The following PPFIA2 variants were observed in gnomAD, a reference collection of about 807,000 sequenced individuals.
PPFIA2 encodes the protein PPFI scaffold protein A2, also known as liprin-alpha-2.
A neutral mutation model predicts 175.5 loss-of-function variants in PPFIA2; 46 were observed. The observed-to-expected ratio is 0.26, with a 90% CI of 0.21 to 0.34. The LOEUF is 0.34. PPFIA2 is among the 10% of genes least tolerant of loss of function. The probability of loss-of-function intolerance (pLI) is 1.00; values close to 1 mark genes in which losing one functional copy is unlikely to be tolerated. For missense variants in PPFIA2, 1,179 were observed against 1,506.1 expected (o/e 0.78, Z 3.60); for synonymous variants, 568 against 511.4 (o/e 1.11, Z -1.49).
At chr12:81,267,345 C>T (rs748242981) in intron 29 of PPFIA2, 38 of 392,328 alleles carry the variant, frequency 9.7e-5, no homozygotes, top group Non-Finnish European at 1.6e-4. Context: ...AAAAGTGAAA[C>T]GAGACTGCCA....
chr12:81,301,387 T>G (rs1329289932), intron 22 of PPFIA2, among the ~76,000 whole-genome samples: 1 of 152,140 alleles, frequency 6.6e-6, no homozygotes, highest in African/African-American at 2.4e-5. Context: ...AAAAAGCAAG[T>G]AAATATGCAC....
chr12:81,261,301 C>T (rs1329363559), intron 32 of PPFIA2: 1 of 152,216 alleles, frequency 6.6e-6, no homozygotes, highest in Non-Finnish European at 1.5e-5. Flanking sequence ...ACTGCAACTT[C>T]TGCCTCCCAG....
chr12:81,596,049 C>T (rs984138027), intron 4 of PPFIA2, among the ~76,000 whole-genome samples: 2 of 152,034 alleles, frequency 1.3e-5, no homozygotes, highest in Non-Finnish European at 2.9e-5. Context: ...GACAAATGGT[C>T]TGTTACTTTA....
chr12:81,552,837 C>T (rs2068162319), intron 4 of PPFIA2, among the ~76,000 whole-genome samples: 1 of 151,992 alleles, frequency 6.6e-6, no homozygotes, highest in African/African-American at 2.4e-5. Flanking sequence ...GTAGGTTACC[C>T]AGAGAAACTA....
intron 3 of PPFIA2, among the ~76,000 whole-genome samples, chr12:81,719,740 A>G (rs1001366903): frequency 1.3e-5 from 2 of 151,540 alleles, no homozygotes; most frequent in South Asian, 2.1e-4. Context: ...TCAATAATAT[A>G]TACATATTCT....
chr12:81,758,802 G>T (rs953604230), intron 1 of PPFIA2: 17 of 159,402 alleles, frequency 1.1e-4, no homozygotes, highest in East Asian at 5.5e-4. Flanking sequence ...CCGGGGCGGA[G>T]ACCGGAGACC....
intron 4 of PPFIA2, among the ~76,000 whole-genome samples, chr12:81,673,629 G>A (rs1175941410): frequency 6.6e-6 from 1 of 151,914 alleles, no homozygotes; most frequent in Non-Finnish European, 1.5e-5. Flanking sequence ...GGAAACATAT[G>A]CCAAATATAG....
chr12:81,682,871 C>T (rs972169682), intron 3 of PPFIA2, among the ~76,000 whole-genome samples: 7 of 151,990 alleles, frequency 4.6e-5, no homozygotes, highest in Non-Finnish European at 8.8e-5. Flanking sequence ...ATTTCTTGAT[C>T]GCTAAGCTTC....
intron 22 of PPFIA2, chr12:81,312,117 G>T (rs1330579122): frequency 8.5e-6 from 13 of 1,526,036 alleles, no homozygotes; most frequent in Non-Finnish European, 9.6e-6. Flanking sequence ...AAAAGATGGC[G>T]CTGAAAATAA....
chr12:81,546,885 AGT>A (rs1440001344), intron 4 of PPFIA2, among the ~76,000 whole-genome samples: 2 of 152,120 alleles, frequency 1.3e-5, no homozygotes, highest in Admixed American at 1.3e-4. Flanking sequence ...GGGCCCAGAA[AGT>A]GTGAGGACCA....
At position 81,439,905 on chromosome 12, in the gene PPFIA2, G is replaced by A. The variant is rs900854962; in HGVS notation, c.645+67C>T. 8 of 1,250,472 alleles carry A rather than the reference G, an allele frequency of 6.4e-6. No individual in the cohort carries two copies. The African/African-American group carries it at 7.8e-5, about 12-fold the overall frequency. The allele number at this position is 1,250,472 out of a possible 1,614,324, so 77.5% of individuals were successfully genotyped here. A position where few individuals can be genotyped will look rare whatever the true frequency, so the allele number is the denominator to read the frequency against. On this transcript the variant is annotated intron_variant, in intron 7 of 32. Transcript: ENST00000549396. ...TTGTGACAGTTATAATAAAAGTGAC[G>A]TGAAACACAAGGGATGTAATGTCAG... is the stretch of plus-strand genomic sequence containing the variant.
At chr12:81,682,642 T>C (rs1039278183) in intron 3 of PPFIA2, among the ~76,000 whole-genome samples, 1 of 152,062 alleles carries the variant, frequency 6.6e-6, no homozygotes, top group African/African-American at 2.4e-5. Context: ...AATGAAGTAT[T>C]ATGTATATGT....
intron 4 of PPFIA2, among the ~76,000 whole-genome samples, chr12:81,661,474 G>C (rs1009909463): frequency 1.3e-5 from 2 of 152,098 alleles, no homozygotes; most frequent in Non-Finnish European, 2.9e-5. Flanking sequence ...AATGGTAAAG[G>C]GATCAATTCA....
chr12:81,603,968 T>C (rs2060043761), intron 4 of PPFIA2, among the ~76,000 whole-genome samples: 1 of 151,680 alleles, frequency 6.6e-6, no homozygotes, highest in Admixed American at 6.6e-5. Flanking sequence ...ATTTGCCTGG[T>C]ATTGTTTCCA....
chr12:81,483,851 G>A (rs2058520137), intron 4 of PPFIA2, among the ~76,000 whole-genome samples: 1 of 151,642 alleles, frequency 6.6e-6, no homozygotes, highest in African/African-American at 2.4e-5. Context: ...TGTACACTTG[G>A]GAACTTATAA....
intron 3 of PPFIA2, among the ~76,000 whole-genome samples, chr12:81,721,022 C>T (rs1302136342): frequency 2.7e-5 from 4 of 149,104 alleles, no homozygotes; most frequent in African/African-American, 4.9e-5. Flanking sequence ...AGTTGGGAAG[C>T]ACAGCAACAG....
chr12:81,753,465 T>C (rs570904566), intron 3 of PPFIA2, among the ~76,000 whole-genome samples: 38 of 151,416 alleles, frequency 2.5e-4, no homozygotes, highest in Non-Finnish European at 2.5e-4. Flanking sequence ...TGTTTTTTTT[T>C]CCCAAGGGAG....
chr12:81,445,208 G>GC (rs1310790121), intron 6 of PPFIA2, among the ~76,000 whole-genome samples: 3 of 113,532 alleles, frequency 2.6e-5, no homozygotes, highest in African/African-American at 4.4e-5. Flanking sequence ...GACCAAGGTG[G>GC]GGGGGGGGGA....
intron 24 of PPFIA2, chr12:81,292,802 T>C (rs2045402805): frequency 6.6e-6 from 1 of 152,122 alleles, no homozygotes; most frequent in African/African-American, 2.4e-5. Context: ...CTAAATTGTC[T>C]TTTAGCTTGA....
Sources: gnomAD v4.1 joint callset for allele counts (sites outside exome capture counted in the v4.1 genomes callset) on GRCh38, gnomAD v4.1.1 for gene constraint, MANE v1.5 for transcripts, NCBI Gene and HGNC (gene_info 2026-07-23, HGNC 2026-07-21) for gene names.